MPRIP: variants seen among roughly 807,000 people sequenced by gnomAD.
MPRIP encodes myosin phosphatase Rho interacting protein, also known as myosin phosphatase Rho-interacting protein.
Under a neutral mutation model 234.9 loss-of-function variants are expected in MPRIP, and 59 were observed. The ratio of observed to expected loss-of-function variants is 0.25; its 90% CI spans 0.20 to 0.31. The LOEUF is 0.31. Ranked by LOEUF, MPRIP falls within the 10% of genes least tolerant of loss-of-function variation. The pLI, the probability that MPRIP is intolerant of heterozygous loss-of-function variation, is 1.00. For missense variants in MPRIP, 2,436 were observed against 3,071.0 expected (o/e 0.79, Z 4.89); for synonymous variants, 1,144 against 1,263.9 (o/e 0.91, Z 2.01).
At chr17:17,123,577 A>G (rs766245579) in intron 3 of MPRIP, among the ~76,000 whole-genome samples, 1 of 151,994 alleles carries the variant, frequency 6.6e-6, no homozygotes, top group African/African-American at 2.4e-5. Context: ...GGTAGCATGC[A>G]TCTGTAGTCC....
chr17:17,144,810 C>G (rs575692165), intron 9 of MPRIP, among the ~76,000 whole-genome samples: 5 of 152,104 alleles, frequency 3.3e-5, no homozygotes, highest in Non-Finnish European at 5.9e-5. Context: ...GAGCTGAGAT[C>G]GCGCCACTGC....
intron 3 of MPRIP, among the ~76,000 whole-genome samples, chr17:17,094,134 T>C (rs1043212058): frequency 2.0e-5 from 3 of 152,166 alleles, no homozygotes; most frequent in African/African-American, 4.8e-5. Flanking sequence ...GGGGTTTTTT[T>C]TGGTTTGTTT....
At position 17,185,892 on chromosome 17, in the gene MPRIP, A is replaced by T. The variant is rs2046466712; in HGVS notation, c.*998A>T. ...CACATTAGTGTTTATTGAGACTCCG[A>T]TCTTAACTCTCATTTAATTAATCTG... On this transcript the variant is annotated 3_prime_UTR_variant, in exon 24 of 24. Transcript: ENST00000651222. The T allele has an allele frequency of 6.0e-6, 1 of 165,774 alleles. No individual in the cohort carries two copies. 10.3% of individuals were successfully genotyped at this position (165,774 alleles called of 1,614,324 possible).
At position 17,167,031 on chromosome 17, in the gene MPRIP, A is replaced by T; in HGVS notation, c.5440A>T (p.Lys1814Ter). 7.7e-7 allele frequency: 1 copy of T among 1,304,278 alleles called. No homozygotes were observed. The highest frequency in any genetic ancestry group is 1.0e-6 in the Non-Finnish European group (1 of 988,962). The allele number at this position is 1,304,278 out of a possible 1,614,324, so 80.8% of individuals were successfully genotyped here. A position where few individuals can be genotyped will look rare whatever the true frequency, so the allele number is the denominator to read the frequency against. Residue 1814 changes from lysine to a stop codon, truncating the protein, a stop_gained, in exon 16 of 24, where the codon AAG becomes TAG. Coordinates refer to ENST00000651222, the MANE Select transcript of MPRIP (RefSeq NM_001364716.4). LOFTEE classifies it high-confidence loss of function. This position sits in a 1 kb window ranked among gnomAD's most constrained non-coding sequence, Gnocchi z 5.9. ...PPVESLRDCQ[K>*]LLQVSQSLSY... Reference sequence around the variant, plus strand: ...TGTGGAATCGCTGAGAGATTGCCAGAAGCTTCTCCAGGTGTCCCAGAGTCT... The same window carrying T: ...TGTGGAATCGCTGAGAGATTGCCAGTAGCTTCTCCAGGTGTCCCAGAGTCT...
chr17:17,151,009 C>CTTA (rs57859773), intron 12 of MPRIP, among the ~76,000 whole-genome samples: 10,512 of 145,228 alleles, frequency 0.072, 426 homozygotes, highest in African/African-American at 0.11. Context: ...CCATGCCCAG[C>CTTA]TTATTATTAT....
At chr17:17,111,158 CAAAA>C (rs542344107) in intron 3 of MPRIP, among the ~76,000 whole-genome samples, 1 of 60,644 alleles carries the variant, frequency 1.6e-5, no homozygotes, top group Non-Finnish European at 3.2e-5. Context: ...AAAAAAAAAC[CAAAA>C]AAAAAAGAAA....
rs1215056861 is a variant in MPRIP at position 17,191,140 on chromosome 17, C to G, written c.*6246C>G. The G allele has an allele frequency of 6.6e-6, 1 of 152,194 alleles. No homozygotes were observed. Among genetic ancestry groups the G allele is most frequent in the African/African-American group, 2.4e-5 (1 of 41,454 alleles). 9.4% of individuals were successfully genotyped at this position (152,194 alleles called of 1,614,324 possible). A position where few individuals can be genotyped will look rare whatever the true frequency, so the allele number is the denominator to read the frequency against. ...TACAATATCCAAAATAACGATAGCC[C>G]TGTATCCATACATTGTTTCATTGAA... is the stretch of plus-strand genomic sequence containing the variant. On this transcript the variant is annotated 3_prime_UTR_variant, in exon 24 of 24. Coordinates refer to ENST00000651222, the MANE Select transcript of MPRIP (RefSeq NM_001364716.4).
chr17:17,135,359 A>G (rs1357900669), intron 5 of MPRIP, among the ~76,000 whole-genome samples: 2 of 152,188 alleles, frequency 1.3e-5, no homozygotes, highest in Non-Finnish European at 2.9e-5. Context: ...GCTTGTATCT[A>G]GCTTTGTGTG....
intron 4 of MPRIP, among the ~76,000 whole-genome samples, chr17:17,129,146 A>T (rs1392614063): frequency 2.0e-5 from 3 of 151,934 alleles, no homozygotes; most frequent in South Asian, 2.1e-4. Context: ...TCCAGTTCCC[A>T]CTTCCAGGAT....
rs1247123729 is a variant in MPRIP at position 17,158,955 on chromosome 17, G to A, written c.2353G>A (p.Gly785Ser). 6.2e-7 allele frequency: 1 copy of A among 1,612,840 alleles called. No homozygotes were observed. Among genetic ancestry groups the A allele is most frequent in the Admixed American group, 1.7e-5 (1 of 60,026 alleles). ...APVHLSSEDG[G>S]DRLSTHELTS... The stretch of plus-strand genomic sequence containing the variant: ...CGTCCACCTGTCTTCTGAAGATGGG[G>A]GTGACCGGCTCTCCACACACGAGCT... The change falls in exon 14 of 24, where the codon GGT becomes AGT. Residue 785 changes from glycine (G) to serine (S), a missense_variant. Physicochemically the swap from Gly to Ser is moderately conservative, Grantham distance 56. This residue lies in a region of MPRIP where 1,998 missense variants were observed against 2,520.3 expected (regional missense o/e 0.79). Transcript: ENST00000651222.
intron 3 of MPRIP, among the ~76,000 whole-genome samples, chr17:17,088,672 CT>C (rs1322371861): frequency 6.6e-6 from 1 of 152,162 alleles, no homozygotes; most frequent in Admixed American, 6.5e-5. Context: ...GCTCTGCCCC[CT>C]GCTGAGATCC....
intron 15 of MPRIP, among the ~76,000 whole-genome samples, 173 bp downstream of exon 15, chr17:17,161,529 G>A (rs1046198528): frequency 1.3e-5 from 2 of 152,066 alleles, no homozygotes; most frequent in African/African-American, 4.8e-5. Flanking sequence ...TGCTTGGGGG[G>A]GTCTGTTTGT....
At chr17:17,095,066 G>T (rs1388237940) in intron 3 of MPRIP, among the ~76,000 whole-genome samples, 1 of 152,148 alleles carries the variant, frequency 6.6e-6, no homozygotes, top group East Asian at 1.9e-4. Flanking sequence ...TAACCCTTCT[G>T]TTGGGGTCTG....
rs764009264 is a variant in MPRIP, at chr17:17,143,594, C to T, written c.1428C>T (p.Asp476=). The stretch of plus-strand genomic sequence containing the variant: ...AAGCCCCCCCAGCTCCTCTCCCAGA[C>T]GCCTCGGCTTCCCCCCTGTCTCCAC... ...TNEAPPAPLP[D]ASASPLSPHR... Residue 476 remains aspartate (D), a synonymous_variant, in exon 9 of 24, where the codon GAC becomes GAT. Coordinates refer to ENST00000651222, the MANE Select transcript of MPRIP (RefSeq NM_001364716.4). 5.2e-5 allele frequency: 84 copies of T among 1,603,940 alleles called. No individual in the cohort carries two copies. Among genetic ancestry groups the T allele is most frequent in the Admixed American group, 1.5e-4 (9 of 58,410 alleles).
intron 1 of MPRIP, among the ~76,000 whole-genome samples, chr17:17,068,334 G>C (rs894260623): frequency 6.6e-6 from 1 of 151,830 alleles, no homozygotes; most frequent in Non-Finnish European, 1.5e-5. Flanking sequence ...ATTTTTAGTA[G>C]AGACGGGGTT....
At chr17:17,049,799 G>T (rs2088475113) in intron 1 of MPRIP, among the ~76,000 whole-genome samples, 1 of 152,204 alleles carries the variant, frequency 6.6e-6, no homozygotes. Context: ...TTGGCACAGG[G>T]GCACAGTGTG....
At chr17:17,057,520 G>A in intron 1 of MPRIP, 1 of 696,176 alleles carries the variant, frequency 1.4e-6, no homozygotes, top group East Asian at 2.7e-5. Flanking sequence ...TGCTGGCAGA[G>A]GGCCCACAGA....
intron 1 of MPRIP, among the ~76,000 whole-genome samples, chr17:17,050,239 C>T (rs925917519): frequency 8.2e-5 from 12 of 146,204 alleles, no homozygotes; most frequent in Non-Finnish European, 1.3e-4. Flanking sequence ...GGTGTGAACC[C>T]GGGAGGCGGA....
chr17:17,121,936 G>A (rs1192672766), intron 3 of MPRIP, among the ~76,000 whole-genome samples: 1 of 152,144 alleles, frequency 6.6e-6, no homozygotes, highest in East Asian at 1.9e-4. Flanking sequence ...TCCTGTGTTC[G>A]TTTGCTAAAG....
Sources: gnomAD v4.1 joint callset for allele counts (sites outside exome capture counted in the v4.1 genomes callset) on GRCh38, gnomAD v4.1.1 for gene constraint, gnomAD v4.1.1 regional missense constraint, Gnocchi (gnomAD v3.1) non-coding constraint, MANE v1.5 for transcripts, NCBI Gene and HGNC (gene_info 2026-07-23, HGNC 2026-07-21) for gene names.